The following GALNT13 variants were observed in gnomAD, a reference collection of about 807,000 sequenced individuals.
GALNT13 encodes polypeptide N-acetylgalactosaminyltransferase 13.
A neutral mutation model predicts 64.2 loss-of-function variants in GALNT13; 28 were observed. The ratio of observed to expected loss-of-function variants is 0.44; its 90% CI spans 0.32 to 0.60. GALNT13 has a LOEUF of 0.60. Among genes scored for constraint, GALNT13 ranks in the 20% least tolerant of loss-of-function variants. GALNT13 has a pLI of 0.05. For synonymous variants in GALNT13, 214 were observed against 224.6 expected (o/e 0.95, Z 0.42); for missense variants, 577 against 669.8 (o/e 0.86, Z 1.53).
At chr2:154,279,707 G>A (rs1691853885) in intron 8 of GALNT13, among the ~76,000 whole-genome samples, 1 of 152,080 alleles carries the variant, frequency 6.6e-6, no homozygotes, top group South Asian at 2.1e-4. Context: ...TGACAAGTTA[G>A]CAAAGCAATA....
chr2:153,758,501 TA>T, the GALNT13 span, among the ~76,000 whole-genome samples: 7 of 152,328 alleles, frequency 4.6e-5, no homozygotes, highest in East Asian at 9.6e-4. Flanking sequence ...ATATAAATTT[TA>T]GTTATTTTTC....
At chr2:153,828,711 C>T in the GALNT13 span, among the ~76,000 whole-genome samples, 3 of 152,098 alleles carry the variant, frequency 2.0e-5, no homozygotes, top group African/African-American at 4.8e-5. Flanking sequence ...TTGGGCTCCT[C>T]GTTACTTATG....
chr2:153,451,685 C>T, the GALNT13 span, among the ~76,000 whole-genome samples: 460 of 152,252 alleles, frequency 3.0e-3, no homozygotes, highest in African/African-American at 0.011. Flanking sequence ...TGAACTAAAA[C>T]GGAACTTGGG....
At chr2:154,270,198 C>T (rs1348121619) in intron 8 of GALNT13, among the ~76,000 whole-genome samples, 1 of 151,592 alleles carries the variant, frequency 6.6e-6, no homozygotes, top group Non-Finnish European at 1.5e-5. Flanking sequence ...TCAATAACTA[C>T]ATTCCTCTAT....
the GALNT13 span, among the ~76,000 whole-genome samples, chr2:153,162,304 T>G: frequency 6.6e-6 from 1 of 152,202 alleles, no homozygotes; most frequent in African/African-American, 2.4e-5. Flanking sequence ...TTTTCATCCA[T>G]TTTTTGGAAT....
the GALNT13 span, among the ~76,000 whole-genome samples, chr2:153,729,559 T>A: frequency 6.6e-6 from 1 of 152,212 alleles, no homozygotes; most frequent in Non-Finnish European, 1.5e-5. Context: ...CTGGAGTCAA[T>A]TTTGATGTAA....
rs150531361 is a variant in GALNT13, at chr2:153,911,404, T to G, written c.-105+10397T>G. 4.1e-3 allele frequency among the ~76,000 whole-genome samples: 617 copies of G among 152,292 alleles called. 3 individuals carry two copies. Among genetic ancestry groups the G allele is most frequent in the African/African-American group, 0.014 (590 of 41,566 alleles). ...CTTTTACTTGGAGCATTTAGCTTCTTATATTCAATGTTAGCATTGATATGT... is the reference window on the plus strand; with the variant it reads ...CTTTTACTTGGAGCATTTAGCTTCTGATATTCAATGTTAGCATTGATATGT... On this transcript the variant is annotated intron_variant, in intron 2 of 12. Coordinates refer to ENST00000392825, the MANE Select transcript of GALNT13 (RefSeq NM_052917.4).
the GALNT13 span, among the ~76,000 whole-genome samples, chr2:153,670,838 C>CAGTGCAGAGAAG: frequency 1.3e-5 from 2 of 152,096 alleles, no homozygotes; most frequent in African/African-American, 2.4e-5. Context: ...ATAGAATAAC[C>CAGTGCAGAGAAG]AGTGCAGAGA....
rs185393800 is a variant in GALNT13, at chr2:154,263,036, A to G, written c.975+3898A>G. On this transcript the variant is annotated intron_variant, in intron 8 of 12. Coordinates refer to ENST00000392825, the MANE Select transcript of GALNT13 (RefSeq NM_052917.4). ...TGGGGAGCAGCATTCCCAAGAGTAC[A>G]GATCATTTTGCCCATTCTAAAATGA... Among the ~76,000 whole-genome samples, 1,112 of 152,290 alleles carry G rather than the reference A, an allele frequency of 7.3e-3. 3 individuals are homozygous for G. The highest frequency in any genetic ancestry group is 0.012 in the Non-Finnish European group (821 of 68,012).
the GALNT13 span, among the ~76,000 whole-genome samples, chr2:153,793,574 A>C: frequency 6.6e-6 from 1 of 152,080 alleles, no homozygotes; most frequent in Middle Eastern, 3.2e-3. Context: ...TTCTGAAATC[A>C]AAGTTATAGA....
At chr2:153,836,956 C>T in the GALNT13 span, among the ~76,000 whole-genome samples, 173 of 152,008 alleles carry the variant, frequency 1.1e-3, no homozygotes, top group African/African-American at 3.9e-3. Flanking sequence ...TGAATAGTGC[C>T]GCAATAAACA....
chr2:153,095,555 A>G, the GALNT13 span, among the ~76,000 whole-genome samples: 4 of 152,364 alleles, frequency 2.6e-5, no homozygotes, highest in African/African-American at 7.2e-5. Context: ...CCAAAGGATT[A>G]TAAATCATGC....
intron 9 of GALNT13, among the ~76,000 whole-genome samples, chr2:154,394,283 G>C (rs1698956912): frequency 6.6e-6 from 1 of 151,912 alleles, no homozygotes; most frequent in East Asian, 1.9e-4. Flanking sequence ...AAAGTCAAAA[G>C]AATAGTATTT....
the GALNT13 span, among the ~76,000 whole-genome samples, chr2:153,728,769 A>C: frequency 2.6e-5 from 4 of 152,180 alleles, no homozygotes; most frequent in Non-Finnish European, 5.9e-5. Flanking sequence ...AAAAGAGAGA[A>C]GAATCAAATA....
chr2:154,400,520 C>A (rs1699254020), intron 10 of GALNT13, among the ~76,000 whole-genome samples: 1 of 151,956 alleles, frequency 6.6e-6, no homozygotes. Flanking sequence ...ATATGGTATT[C>A]AGTTTTTCTA....
intron 9 of GALNT13, among the ~76,000 whole-genome samples, chr2:154,361,504 T>A (rs772755554): frequency 4.7e-4 from 72 of 152,116 alleles, no homozygotes; most frequent in Middle Eastern, 6.4e-3. Context: ...CTAGCTCTCC[T>A]GCTTGCCAGT....
intron 3 of GALNT13, among the ~76,000 whole-genome samples, chr2:153,982,087 C>G (rs1694505502): frequency 6.6e-6 from 1 of 152,064 alleles, no homozygotes; most frequent in South Asian, 2.1e-4. Context: ...TGACACTCAA[C>G]TGTAACAAAT....
At chr2:154,230,866 A>G (rs1328806641) in intron 4 of GALNT13, among the ~76,000 whole-genome samples, 1 of 152,022 alleles carries the variant, frequency 6.6e-6, no homozygotes, top group Non-Finnish European at 1.5e-5. Context: ...TCACAGTTCA[A>G]TCCAGATACT....
At chr2:153,296,310 A>G in the GALNT13 span, among the ~76,000 whole-genome samples, 1 of 152,290 alleles carries the variant, frequency 6.6e-6, no homozygotes, top group African/African-American at 2.4e-5. Context: ...CAAAACTGTA[A>G]TAGTGAATAG....
Sources: allele counts gnomAD v4.1 joint callset (sites outside exome capture counted in the v4.1 genomes callset), GRCh38; gene constraint gnomAD v4.1.1; transcripts MANE v1.5; gene names NCBI Gene and HGNC (gene_info 2026-07-23, HGNC 2026-07-21).